Variants in GALNT17 observed in about 807,000 individuals in gnomAD.
GALNT17 encodes polypeptide N-acetylgalactosaminyltransferase 17, also known as UDP-GalNAc:polypeptide N-acetylgalactosaminyltransferase-like 3.
Under a neutral mutation model 63.7 loss-of-function variants are expected in GALNT17, and 29 were observed. The ratio of observed to expected loss-of-function variants is 0.46; its 90% CI spans 0.34 to 0.62. The LOEUF is 0.62. Among genes scored for constraint, GALNT17 ranks in the 20% least tolerant of loss-of-function variants. The pLI is 0.01. For synonymous variants in GALNT17, 305 were observed against 318.3 expected, an observed-to-expected ratio of 0.96 and a Z score of 0.45; for missense variants, 603 against 799.6, an observed-to-expected ratio of 0.75 and a Z score of 2.97.
At chr7:71,384,032 C>T (rs188610772) in intron 2 of GALNT17, among the ~76,000 whole-genome samples, 1 of 152,150 alleles carries the variant, frequency 6.6e-6, no homozygotes, top group Non-Finnish European at 1.5e-5. Context: ...CCACAGCGGC[C>T]GTAACATCCT....
rs537974501 is a variant in GALNT17 at position 71,290,123 on chromosome 7, TGCATGATA to T, written c.239-45421_239-45414del. Among the ~76,000 whole-genome samples the T allele has an allele frequency of 5.9e-5, 9 of 152,336 alleles. No individual in the cohort carries two copies. The East Asian group carries it at 1.7e-3, about 29-fold the overall frequency. ...GTACGATTCTGTGGATTTTAGTATA[TGCATGATA>T]GCATGCAACCATCACTGCCATCTAA... is the stretch of plus-strand genomic sequence containing the variant. On this transcript the variant is annotated intron_variant, in intron 1 of 10. Transcript: ENST00000333538.
At chr7:71,466,034 G>A (rs765736819) in intron 5 of GALNT17, among the ~76,000 whole-genome samples, 3 of 152,148 alleles carry the variant, frequency 2.0e-5, no homozygotes, top group Non-Finnish European at 2.9e-5. Context: ...GGGAAGGCCT[G>A]GCTGCATGAA....
At chr7:71,244,855 C>T (rs529207014) in intron 1 of GALNT17, among the ~76,000 whole-genome samples, 4 of 151,880 alleles carry the variant, frequency 2.6e-5, no homozygotes, top group East Asian at 1.9e-4. Context: ...GAGGCCAAGA[C>T]GGGAGGATCA....
intron 5 of GALNT17, among the ~76,000 whole-genome samples, chr7:71,468,044 T>C (rs1474368150): frequency 6.6e-6 from 1 of 151,914 alleles, no homozygotes; most frequent in Admixed American, 6.5e-5. Flanking sequence ...TCTTAAATTT[T>C]AGAGACAGGG....
intron 1 of GALNT17, among the ~76,000 whole-genome samples, chr7:71,149,626 G>T (rs1270249660): frequency 6.6e-6 from 1 of 152,186 alleles, no homozygotes; most frequent in Non-Finnish European, 1.5e-5. Context: ...TGTGCGAGCT[G>T]TAAATCCAGC....
chr7:71,235,535 G>A (rs746575119), intron 1 of GALNT17, among the ~76,000 whole-genome samples: 4 of 152,190 alleles, frequency 2.6e-5, no homozygotes, highest in East Asian at 1.9e-4. Flanking sequence ...TGATGGAACC[G>A]CTGTTGTACA....
intron 1 of GALNT17, among the ~76,000 whole-genome samples, chr7:71,275,837 T>C (rs139514180): frequency 1.3e-5 from 2 of 152,284 alleles, no homozygotes; most frequent in African/African-American, 2.4e-5. Context: ...TCCCCACAAG[T>C]TGTGGCCCAG....
intron 6 of GALNT17, among the ~76,000 whole-genome samples, chr7:71,642,719 C>T (rs1790621014): frequency 6.6e-6 from 1 of 152,040 alleles, no homozygotes; most frequent in Non-Finnish European, 1.5e-5. Context: ...CCTGTAATCC[C>T]AGCTACTGGG....
chr7:71,416,853 C>T (rs1332720928), intron 4 of GALNT17, among the ~76,000 whole-genome samples: 3 of 152,220 alleles, frequency 2.0e-5, no homozygotes, highest in Admixed American at 6.5e-5. Flanking sequence ...GAAGGTGAAG[C>T]GCATTTTCTG....
chr7:71,166,304 A>G (rs1481716085), intron 1 of GALNT17, among the ~76,000 whole-genome samples: 3 of 152,136 alleles, frequency 2.0e-5, no homozygotes, highest in African/African-American at 7.2e-5. Context: ...ACCTCTCTTT[A>G]TTATTTACTT....
At chr7:71,415,776 C>T (rs1393274859) in intron 3 of GALNT17, 113 bp from the exon 4 acceptor site, 10 of 1,223,014 alleles carry the variant, frequency 8.2e-6, no homozygotes, top group African/African-American at 1.5e-5. Flanking sequence ...TACTAACATG[C>T]GATTTTTTTT....
chr7:71,452,365 G>A (rs941095837), intron 5 of GALNT17, among the ~76,000 whole-genome samples: 10 of 152,130 alleles, frequency 6.6e-5, no homozygotes, highest in Non-Finnish European at 1.2e-4. Flanking sequence ...AGCCAACAAG[G>A]TGAAACCCTG....
At chr7:71,594,999 A>T (rs1351158389) in intron 6 of GALNT17, among the ~76,000 whole-genome samples, 1 of 152,146 alleles carries the variant, frequency 6.6e-6, no homozygotes, top group Non-Finnish European at 1.5e-5. Context: ...TCATGTTGTG[A>T]TAAAGAGAGG....
At chr7:71,670,812 G>A (rs76187256) in intron 8 of GALNT17, among the ~76,000 whole-genome samples, 6,365 of 152,022 alleles carry the variant, frequency 0.042, 429 homozygotes, top group African/African-American at 0.14. Flanking sequence ...AAGTCACAAA[G>A]CCAAGGTTGG....
At chr7:71,498,918 C>A (rs1020596188) in intron 5 of GALNT17, among the ~76,000 whole-genome samples, 6 of 152,144 alleles carry the variant, frequency 3.9e-5, no homozygotes, top group Admixed American at 3.9e-4. Flanking sequence ...GTTAAGCTAC[C>A]TTTGAGGACA....
At chr7:71,542,038 G>T (rs1788901359) in intron 5 of GALNT17, among the ~76,000 whole-genome samples, 1 of 152,112 alleles carries the variant, frequency 6.6e-6, no homozygotes, top group Admixed American at 6.6e-5. Flanking sequence ...TTAAATGCAG[G>T]CGATGATACA....
intron 1 of GALNT17, among the ~76,000 whole-genome samples, chr7:71,247,681 T>C (rs1790124079): frequency 6.6e-6 from 1 of 152,150 alleles, no homozygotes; most frequent in Admixed American, 6.5e-5. Context: ...GGTCTCGAAC[T>C]CCTGACCTCA....
chr7:71,540,595 A>G (rs977924013), intron 5 of GALNT17, among the ~76,000 whole-genome samples: 2 of 152,010 alleles, frequency 1.3e-5, no homozygotes, highest in Non-Finnish European at 2.9e-5. Context: ...ACTGATGGAC[A>G]CTAGGGTTTT....
chr7:71,701,733 ATATATATGTGTATATATATG>A (rs1364929452), intron 9 of GALNT17, among the ~76,000 whole-genome samples: 2,026 of 24,954 alleles, frequency 0.081, 20 homozygotes, highest in East Asian at 0.23. Flanking sequence ...ATGTATATAT[ATATATATGTGTATATATATG>A]TATATATATG....
Sources: gnomAD v4.1 joint callset for allele counts (sites outside exome capture counted in the v4.1 genomes callset) on GRCh38, gnomAD v4.1.1 for gene constraint, MANE v1.5 for transcripts, NCBI Gene and HGNC (gene_info 2026-07-23, HGNC 2026-07-21) for gene names.